The following OMA1 variants were observed in gnomAD, a reference collection of about 807,000 sequenced individuals.
OMA1 encodes metalloendopeptidase OMA1, mitochondrial.
OMA1 carries 38 observed loss-of-function variants against 30.9 expected under a neutral mutation model. The ratio of observed to expected loss-of-function variants is 1.23; its 90% CI spans 0.95 to 1.61. OMA1 has a LOEUF of 1.61. OMA1 is among the 40% of genes most tolerant of loss of function. OMA1 has a pLI of 0.00. For missense variants in OMA1, 461 were observed against 349.2 expected, an observed-to-expected ratio of 1.32 and a Z score of -2.55; for synonymous variants, 173 against 121.9, an observed-to-expected ratio of 1.42 and a Z score of -2.76.
chr1:58,538,607 T>C (rs80290049), intron 2 of OMA1, among the ~76,000 whole-genome samples, 188 bp downstream of exon 2: 4,362 of 152,200 alleles, frequency 0.029, 147 homozygotes, highest in African/African-American at 0.078. Flanking sequence ...CAGAACAAAA[T>C]TGGGCAGGAC....
At chr1:58,543,838 T>C (rs920950099) in intron 1 of OMA1, among the ~76,000 whole-genome samples, 8 of 152,330 alleles carry the variant, frequency 5.3e-5, no homozygotes, top group Non-Finnish European at 1.0e-4. Flanking sequence ...CAACAGACCT[T>C]TCTACAATGA....
intron 8 of OMA1, among the ~76,000 whole-genome samples, chr1:58,486,142 C>T (rs1645572376): frequency 6.6e-6 from 1 of 152,162 alleles, no homozygotes; most frequent in Admixed American, 6.5e-5. Flanking sequence ...TTGGGCCTGA[C>T]ATAAAATACT....
At chr1:58,535,710 A>G (rs1646506248) in intron 3 of OMA1, among the ~76,000 whole-genome samples, 1 of 152,108 alleles carries the variant, frequency 6.6e-6, no homozygotes, top group East Asian at 1.9e-4. Flanking sequence ...TGTATGTGCT[A>G]TGAACTGGAG....
intron 6 of OMA1, among the ~76,000 whole-genome samples, chr1:58,529,485 C>T (rs1646400050): frequency 6.6e-6 from 1 of 152,164 alleles, no homozygotes; most frequent in African/African-American, 2.4e-5. Context: ...GATTATTATA[C>T]ATAAGCACTA....
intron 7 of OMA1, among the ~76,000 whole-genome samples, chr1:58,518,337 A>AGAGAAGAGAAGAGAG (rs1646203809): frequency 7.6e-6 from 1 of 131,914 alleles, no homozygotes; most frequent in Non-Finnish European, 1.6e-5. Flanking sequence ...AGAGAAGAGA[A>AGAGAAGAGAAGAGAG]GAGAAGAGAA....
chr1:58,506,344 TGTTACATAC>T, intron 7 of OMA1, 135 bp from the exon 8 acceptor site: 1 of 565,750 alleles, frequency 1.8e-6, no homozygotes, highest in Non-Finnish European at 3.1e-6. Context: ...CGTGCAGGTT[TGTTACATAC>T]GTATACATGT....
rs372082190 is a variant in OMA1 at position 58,539,122 on chromosome 1, C to T, written c.173G>A (p.Cys58Tyr). 7 of 872,850 alleles carry T rather than the reference C, an allele frequency of 8.0e-6. No homozygotes were observed. The highest frequency in any genetic ancestry group is 1.4e-5 in the Non-Finnish European group (7 of 501,654). The allele number at this position is 872,850 out of a possible 1,614,324, so 54.1% of individuals were successfully genotyped here. A position where few individuals can be genotyped will look rare whatever the true frequency, so the allele number is the denominator to read the frequency against. Residue 58 changes from cysteine to tyrosine, a missense_variant, in exon 2 of 9, where the codon TGT becomes TAT. Physicochemically the swap from Cys to Tyr is radical, Grantham distance 194. Transcript: ENST00000371226. Reference protein sequence around the residue: ...NKYQGLGVNQCDRWSFLPGNF... With the variant: ...NKYQGLGVNQYDRWSFLPGNF... ...TCCAGGCAGAAAACTCCACCTGTCA[C>T]ACTGATTTACTCCCAGTCCCTGATA...
intron 6 of OMA1, among the ~76,000 whole-genome samples, chr1:58,529,847 T>A (rs9660901): frequency 6.6e-6 from 1 of 152,050 alleles, no homozygotes. Context: ...TGAGAGGATG[T>A]GCATAGTTAC....
At chr1:58,523,626 G>A (rs919607624) in intron 7 of OMA1, among the ~76,000 whole-genome samples, 3 of 152,082 alleles carry the variant, frequency 2.0e-5, no homozygotes, top group East Asian at 1.9e-4. Flanking sequence ...CTGGCCGGGC[G>A]CAGTGGCTCA....
intron 8 of OMA1, among the ~76,000 whole-genome samples, chr1:58,496,560 G>A (rs1645806496): frequency 6.6e-6 from 1 of 152,144 alleles, no homozygotes. Flanking sequence ...GAGCATTTCA[G>A]AGGCTTTGTT....
chr1:58,518,105 G>T (rs945288821), intron 7 of OMA1, among the ~76,000 whole-genome samples: 48 of 150,706 alleles, frequency 3.2e-4, no homozygotes, highest in African/African-American at 1.1e-3. Flanking sequence ...AGAATCGCTT[G>T]AACACAGGAG....
rs1254798747 is a variant in OMA1 at position 58,518,278 on chromosome 1, GA to G, written c.1215+8982del. 4.5e-3 allele frequency among the ~76,000 whole-genome samples: 16 copies of G among 3,594 alleles called. 2 individuals carry two copies. Among genetic ancestry groups the G allele is most frequent in the East Asian group, 0.022 (2 of 92 alleles). The allele number at this position is 3,594 out of a possible 152,430, so 2.4% of individuals were successfully genotyped here. A position where few individuals can be genotyped will look rare whatever the true frequency, so the allele number is the denominator to read the frequency against. On this transcript the variant is annotated intron_variant, in intron 7 of 8. Coordinates refer to ENST00000371226, the MANE Select transcript of OMA1 (RefSeq NM_145243.5). ...GGAGAGGGGAGAGGAGAGAGGAGAG[GA>G]GAAGAGAAGAGAAGAGAAGAGAAGA... is the stretch of plus-strand genomic sequence containing the variant.
intron 1 of OMA1, chr1:58,542,510 G>A (rs1169600319): frequency 6.6e-6 from 1 of 152,170 alleles, no homozygotes; most frequent in Non-Finnish European, 1.5e-5. Flanking sequence ...AGACATCCAT[G>A]AGTAGCTGAA....
intron 8 of OMA1, among the ~76,000 whole-genome samples, chr1:58,493,295 C>T (rs1157482281): frequency 6.6e-6 from 1 of 152,180 alleles, no homozygotes; most frequent in African/African-American, 2.4e-5. Flanking sequence ...TTATGACAAA[C>T]TCACAGCCAA....
intron 1 of OMA1, among the ~76,000 whole-genome samples, chr1:58,546,118 GT>G (rs1646699967): frequency 6.6e-6 from 1 of 152,220 alleles, no homozygotes; most frequent in African/African-American, 2.4e-5. Context: ...AGTGAGTTCT[GT>G]AGACGAGTTT....
At position 58,530,672 on chromosome 1, in the gene OMA1, T is replaced by C. The variant is rs554515668; in HGVS notation, c.1069A>G (p.Met357Val). The C allele has an allele frequency of 2.1e-5, 18 of 872,692 alleles. No homozygotes were observed. Among genetic ancestry groups the C allele is most frequent in the African/African-American group, 8.2e-5 (5 of 61,312 alleles). The allele number at this position is 872,692 out of a possible 1,614,324, so 54.1% of individuals were successfully genotyped here. Residue 357 changes from methionine to valine, a missense_variant, in exon 6 of 9, where the codon ATG becomes GTG. Coordinates refer to ENST00000371226, the MANE Select transcript of OMA1 (RefSeq NM_145243.5). Reference protein sequence around the residue: ...LDFLGMIFLTMIWAICPRDSL... With the variant: ...LDFLGMIFLTVIWAICPRDSL... ...TCTCGAGGACAAATGGCCCAAATCA[T>C]TGTGAGGAAAATCATACCTAGGAAA...
intron 8 of OMA1, among the ~76,000 whole-genome samples, chr1:58,491,779 C>A (rs1645696620): frequency 6.6e-6 from 1 of 152,136 alleles, no homozygotes. Flanking sequence ...TCCTTAGAGA[C>A]CTACAAAGTG....
chr1:58,496,444 G>A (rs1404856465), intron 8 of OMA1, among the ~76,000 whole-genome samples: 2 of 152,082 alleles, frequency 1.3e-5, no homozygotes, highest in South Asian at 2.1e-4. Flanking sequence ...TGTTCTTGCC[G>A]CCTTGCCTGT....
intron 4 of OMA1, 25 bp from the exon 5 acceptor site, chr1:58,534,085 A>G (rs2100481981): frequency 2.3e-6 from 2 of 868,920 alleles, no homozygotes; most frequent in East Asian, 2.4e-5. Context: ...AAATAATGTA[A>G]GCAATTAGAA....
Sources: allele counts gnomAD v4.1 joint callset (sites outside exome capture counted in the v4.1 genomes callset), GRCh38; gene constraint gnomAD v4.1.1; transcripts MANE v1.5; gene names NCBI Gene and HGNC (gene_info 2026-07-23, HGNC 2026-07-21).